Variants in CYB5RL observed in about 807,000 individuals in gnomAD.
CYB5RL encodes cytochrome b5 reductase like.
CYB5RL carries 38 observed loss-of-function variants against 37.5 expected under a neutral mutation model. The observed-to-expected ratio is 1.01, with a 90% CI of 0.78 to 1.33. CYB5RL has a LOEUF of 1.33. CYB5RL is among the 40% of genes most tolerant of loss of function. CYB5RL has a pLI of 0.00. For synonymous variants in CYB5RL, 141 were observed against 151.9 expected (o/e 0.93, Z 0.53); for missense variants, 388 against 394.4 (o/e 0.98, Z 0.14).
Position 54,171,870 on chromosome 1 carries a change from G to C in CYB5RL, c.*2749C>G, listed in dbSNP as rs539569816. On this transcript the variant is annotated 3_prime_UTR_variant, in exon 8 of 8. Coordinates refer to ENST00000534324, the MANE Select transcript of CYB5RL (RefSeq NM_001031672.4). ...CAGCACCTTGTGGGGCACAGCACCCGACCCTGCACTCTCAAGTTTCCAGGC... is the reference window on the plus strand; with the variant it reads ...CAGCACCTTGTGGGGCACAGCACCCCACCCTGCACTCTCAAGTTTCCAGGC... The C allele has an allele frequency of 1.6e-5, 3 of 188,290 alleles. No individual in the cohort carries two copies. In the East Asian group the frequency reaches 3.6e-4, roughly 22 times the overall value. 11.7% of individuals were successfully genotyped at this position (188,290 alleles called of 1,614,324 possible). A position where few individuals can be genotyped will look rare whatever the true frequency, so the allele number is the denominator to read the frequency against.
At chr1:54,183,094 AC>A (rs1424543667) in intron 6 of CYB5RL, among the ~76,000 whole-genome samples, 1 of 151,922 alleles carries the variant, frequency 6.6e-6, no homozygotes, top group African/African-American at 2.4e-5. Flanking sequence ...TAATTTCCCA[AC>A]CTCCTGTATA....
intron 7 of CYB5RL, among the ~76,000 whole-genome samples, chr1:54,175,072 G>A (rs2100455426): frequency 6.6e-6 from 1 of 151,998 alleles, no homozygotes; most frequent in Admixed American, 6.5e-5. Context: ...TGAGGCGGGG[G>A]CAGCAGCAGG....
chr1:54,187,107 C>G (rs898896235), intron 5 of CYB5RL, among the ~76,000 whole-genome samples: 1 of 152,152 alleles, frequency 6.6e-6, no homozygotes. Context: ...TGGGCCTCCA[C>G]AACTTCTTAT....
intron 5 of CYB5RL, among the ~76,000 whole-genome samples, chr1:54,187,308 C>T (rs544101682): frequency 4.6e-5 from 7 of 152,282 alleles, no homozygotes; most frequent in African/African-American, 1.7e-4. Flanking sequence ...TTAACCATCC[C>T]CTCAGCCTAG....
At chr1:54,187,552 C>T in intron 5 of CYB5RL, 100 bp downstream of exon 5, 1 of 1,174,478 alleles carries the variant, frequency 8.5e-7, no homozygotes, top group Non-Finnish European at 1.2e-6. Context: ...CATGTTGTTC[C>T]CAGCACTGAG....
In CYB5RL at chr1:54,173,955, C is replaced by G. The variant is rs1659954074; in HGVS notation, c.*664G>C. On this transcript the variant is annotated 3_prime_UTR_variant, in exon 8 of 8. Coordinates refer to ENST00000534324, the MANE Select transcript of CYB5RL (RefSeq NM_001031672.4). ...AGGAGGAGGGAGGGGCGTTTCCTTC[C>G]CGTGCCTCTTCTTTTGCTAGGCTCG... 6.5e-6 allele frequency: 1 copy of G among 153,426 alleles called. No individual in the cohort carries two copies. 9.5% of individuals were successfully genotyped at this position (153,426 alleles called of 1,614,324 possible). A position where few individuals can be genotyped will look rare whatever the true frequency, so the allele number is the denominator to read the frequency against.
At chr1:54,196,976 G>T (rs566586689) in intron 1 of CYB5RL, among the ~76,000 whole-genome samples, 2 of 152,190 alleles carry the variant, frequency 1.3e-5, no homozygotes, top group African/African-American at 4.8e-5. Context: ...GAGGGAGTGT[G>T]GGGGGACAGA....
intron 1 of CYB5RL, among the ~76,000 whole-genome samples, chr1:54,198,579 C>T (rs1205663642): frequency 6.6e-6 from 1 of 151,124 alleles, no homozygotes; most frequent in East Asian, 1.9e-4. Context: ...GATCCACCTG[C>T]CTCGGCCTCC....
intron 3 of CYB5RL, among the ~76,000 whole-genome samples, chr1:54,193,936 C>T (rs964424631): frequency 6.6e-6 from 1 of 151,162 alleles, no homozygotes; most frequent in African/African-American, 2.4e-5. Context: ...TGCCACTGTA[C>T]TCCAGCCTGG....
intron 6 of CYB5RL, among the ~76,000 whole-genome samples, chr1:54,180,989 T>C (rs1266420209): frequency 6.6e-6 from 1 of 152,086 alleles, no homozygotes; most frequent in Non-Finnish European, 1.5e-5. Context: ...GCACTCCAGC[T>C]GGGCAAGAGT....
At chr1:54,187,555 G>A in intron 5 of CYB5RL, 97 bp downstream of exon 5, 1 of 1,192,806 alleles carries the variant, frequency 8.4e-7, no homozygotes, top group Non-Finnish European at 1.2e-6. Flanking sequence ...GTTGTTCCCA[G>A]CACTGAGTTT....
At chr1:54,183,747 G>A (rs1570106648) in intron 6 of CYB5RL, among the ~76,000 whole-genome samples, 2 of 152,106 alleles carry the variant, frequency 1.3e-5, no homozygotes, top group Admixed American at 1.3e-4. Context: ...AGGCTGAGGC[G>A]GGCAGATCAC....
At chr1:54,192,587 C>T (rs929315226) in intron 3 of CYB5RL, among the ~76,000 whole-genome samples, 4 of 152,140 alleles carry the variant, frequency 2.6e-5, no homozygotes, top group African/African-American at 9.7e-5. Context: ...AGGTGCTTTA[C>T]ATATTCATCC....
At chr1:54,197,159 C>T (rs951601122) in intron 1 of CYB5RL, among the ~76,000 whole-genome samples, 3 of 152,102 alleles carry the variant, frequency 2.0e-5, no homozygotes, top group Non-Finnish European at 4.4e-5. Context: ...TTAAACAAGT[C>T]TAGATATGAG....
chr1:54,191,987 T>C (rs1015362730), intron 3 of CYB5RL, among the ~76,000 whole-genome samples: 3 of 152,174 alleles, frequency 2.0e-5, no homozygotes, highest in Non-Finnish European at 4.4e-5. Flanking sequence ...GGGCCACTCA[T>C]CCCTGATAAC....
chr1:54,195,490 G>T lies in CYB5RL; in HGVS notation c.127C>A (p.Arg43=), dbSNP rs200848024. 1 of 1,613,134 alleles carries T rather than the reference G, an allele frequency of 6.2e-7. No homozygotes were observed. Among genetic ancestry groups the T allele is most frequent in the Admixed American group, 1.7e-5 (1 of 59,978 alleles). Residue 43 remains arginine, a synonymous_variant, in exon 3 of 8, where the codon CGA becomes AGA. Transcript: ENST00000534324. Reference sequence around the variant, plus strand: ...GCTGCCTCCCACCTTGCCAGATCTCGGTGATAGAGGTCAAACACACAGGGT... The same window carrying T: ...GCTGCCTCCCACCTTGCCAGATCTCTGTGATAGAGGTCAAACACACAGGGT... ...CSPCVFDLYH[R]DLARWEAAQA...
rs1259165518 is a variant in CYB5RL at position 54,173,559 on chromosome 1, T to C, written c.*1060A>G. On this transcript the variant is annotated 3_prime_UTR_variant, in exon 8 of 8. Coordinates refer to ENST00000534324, the MANE Select transcript of CYB5RL (RefSeq NM_001031672.4). ...TAAGTCTGTCACACTGTATGTTTCT[T>C]AGAGTCCTGAACTTTCAGCTTTGAT... The C allele has an allele frequency of 6.6e-6, 1 of 152,266 alleles. No homozygotes were observed. The highest frequency in any genetic ancestry group is 1.9e-4 in the East Asian group (1 of 5,194). The allele number at this position is 152,266 out of a possible 1,614,324, so 9.4% of individuals were successfully genotyped here.
At chr1:54,179,989 T>C in intron 6 of CYB5RL, 1 of 453,854 alleles carries the variant, frequency 2.2e-6, no homozygotes, top group Non-Finnish European at 4.4e-6. Flanking sequence ...CTCACACCTA[T>C]AAACCTAGTA....
At chr1:54,182,095 AAC>A (rs1328353653) in intron 6 of CYB5RL, among the ~76,000 whole-genome samples, 5 of 152,234 alleles carry the variant, frequency 3.3e-5, no homozygotes, top group Admixed American at 6.5e-5. Flanking sequence ...ACAAGGAGGA[AAC>A]ACAAACGATT....
Sources: allele counts gnomAD v4.1 joint callset (sites outside exome capture counted in the v4.1 genomes callset), GRCh38; gene constraint gnomAD v4.1.1; transcripts MANE v1.5; gene names NCBI Gene and HGNC (gene_info 2026-07-23, HGNC 2026-07-21).